B3GLCT: variants seen among roughly 807,000 people sequenced by gnomAD.
B3GLCT encodes beta 3-glucosyltransferase, also known as beta-1,3-glucosyltransferase.
B3GLCT carries 65 observed loss-of-function variants against 63.4 expected under a neutral mutation model. That is an observed-to-expected ratio of 1.03 (90% CI 0.84 to 1.26). The LOEUF (loss-of-function observed/expected upper bound fraction) is 1.26. Ranked by LOEUF, B3GLCT falls within the 50% of genes most tolerant of loss-of-function variation. The probability of loss-of-function intolerance (pLI) is 0.00; values close to 1 mark genes in which losing one functional copy is unlikely to be tolerated. For missense variants in B3GLCT, 577 were observed against 604.8 expected, an observed-to-expected ratio of 0.95 and a Z score of 0.48; for synonymous variants, 233 against 219.2, an observed-to-expected ratio of 1.06 and a Z score of -0.55.
At chr13:31,238,141 T>TAA (rs1227110342) in intron 4 of B3GLCT, among the ~76,000 whole-genome samples, 1 of 152,244 alleles carries the variant, frequency 6.6e-6, no homozygotes, top group Non-Finnish European at 1.5e-5. Context: ...ACTTCTGTGA[T>TAA]TATGCATCTG....
At chr13:31,253,618 A>AAAAAAAAAAAAAAC in intron 6 of B3GLCT, among the ~76,000 whole-genome samples, 1 of 82,314 alleles carries the variant, frequency 1.2e-5, no homozygotes, top group Admixed American at 1.5e-4. Context: ...AAAAAAAAAA[A>AAAAAAAAAAAAAAC]AAACTAGAGA....
chr13:31,278,426 C>T (rs150245666), intron 10 of B3GLCT, among the ~76,000 whole-genome samples: 93 of 152,230 alleles, frequency 6.1e-4, no homozygotes, highest in African/African-American at 2.1e-3. Context: ...ATTACAAAAT[C>T]TTAAAAGCCT....
chr13:31,199,989 C>T lies in B3GLCT; in HGVS notation c.-96C>T. 1 of 715,558 alleles carries T rather than the reference C, an allele frequency of 1.4e-6. No individual in the cohort carries two copies. Among genetic ancestry groups the T allele is most frequent in the Non-Finnish European group, 1.9e-6 (1 of 538,506 alleles). 44.3% of individuals were successfully genotyped at this position (715,558 alleles called of 1,614,324 possible). A position where few individuals can be genotyped will look rare whatever the true frequency, so the allele number is the denominator to read the frequency against. ...GGGGAGCCGGCAGAGAAGGGTCAGC[C>T]GCGGCGGCAGGGCGGCGGCGGCAGC... On this transcript the variant is annotated 5_prime_UTR_variant, in exon 1 of 15. Coordinates refer to ENST00000343307, the MANE Select transcript of B3GLCT (RefSeq NM_194318.4).
At chr13:31,324,896 G>A (rs530620600) in intron 14 of B3GLCT, among the ~76,000 whole-genome samples, 22 of 152,102 alleles carry the variant, frequency 1.4e-4, no homozygotes, top group East Asian at 9.7e-4. Flanking sequence ...TATAGAGATG[G>A]GGGTCTTACT....
chr13:31,317,439 A>G, intron 12 of B3GLCT, 127 bp from the exon 13 acceptor site: 2 of 1,151,406 alleles, frequency 1.7e-6, no homozygotes, highest in South Asian at 1.3e-5. Flanking sequence ...AGTCACTCAA[A>G]TTTCTTCTCT....
At chr13:31,283,436 T>C (rs1483774756) in intron 10 of B3GLCT, 1 of 152,222 alleles carries the variant, frequency 6.6e-6, no homozygotes, top group Non-Finnish European at 1.5e-5. Context: ...CCTTTTTTTG[T>C]CCGCCAGTAG....
chr13:31,274,589 C>T lies in B3GLCT; in HGVS notation c.741C>T (p.Phe247=). 3 of 1,614,216 alleles carry T rather than the reference C, an allele frequency of 1.9e-6. No homozygotes were observed. The highest frequency in any genetic ancestry group is 2.5e-6 in the Non-Finnish European group (3 of 1,180,032). The stretch of plus-strand genomic sequence containing the variant: ...AGTTTTGTACCAATGACGTGGACTT[C>T]TACTGTGCTACCACATTCCATTCTT... ...VPEFCTNDVD[F]YCATTFHSFL... Residue 247 remains phenylalanine, a synonymous_variant, in exon 9 of 15, where the codon TTC becomes TTT. Transcript: ENST00000343307.
At chr13:31,274,454 TA>T in intron 8 of B3GLCT, 54 bp from the exon 9 acceptor site, 1 of 1,612,690 alleles carries the variant, frequency 6.2e-7, no homozygotes, top group Non-Finnish European at 8.5e-7. Flanking sequence ...TGTCCCTTCT[TA>T]TACTTGTGTT....
intron 8 of B3GLCT, among the ~76,000 whole-genome samples, chr13:31,271,397 T>G (rs901681525): frequency 7.2e-5 from 11 of 152,230 alleles, no homozygotes; most frequent in African/African-American, 2.7e-4. Flanking sequence ...TGGCTACTGG[T>G]TTTTTGCTAT....
At chr13:31,221,818 A>C (rs2137076) in intron 2 of B3GLCT, among the ~76,000 whole-genome samples, 1 of 152,188 alleles carries the variant, frequency 6.6e-6, no homozygotes, top group Non-Finnish European at 1.5e-5. Context: ...ATTTGCCACC[A>C]TCCCGTTGTC....
In B3GLCT at chr13:31,200,027, C is replaced by A; in HGVS notation, c.-58C>A. On this transcript the variant is annotated 5_prime_UTR_variant, in exon 1 of 15. Coordinates refer to ENST00000343307, the MANE Select transcript of B3GLCT (RefSeq NM_194318.4). ...CGGCGGCGGCAGCGGCGCAGCTCCG[C>A]TCCCCGCGCGTCTCCCTTCCCCGCG... 8.7e-7 allele frequency: 1 copy of A among 1,149,924 alleles called. No homozygotes were observed. Among genetic ancestry groups the A allele is most frequent in the Non-Finnish European group, 1.1e-6 (1 of 899,556 alleles). The allele number at this position is 1,149,924 out of a possible 1,614,324, so 71.2% of individuals were successfully genotyped here.
chr13:31,267,177 A>G lies in B3GLCT; in HGVS notation c.597-2037A>G, dbSNP rs536506612. Among the ~76,000 whole-genome samples, 14 of 152,374 alleles carry G rather than the reference A, an allele frequency of 9.2e-5. No individual in the cohort carries two copies. In the South Asian group the frequency reaches 2.1e-3, roughly 23 times the overall value. On this transcript the variant is annotated intron_variant, in intron 7 of 14. Transcript: ENST00000343307. ...TTGAAAAGCCAAAAAGATGGAGAGC[A>G]TGTTTAAGGTAACAGTACTAAGGTG...
At chr13:31,272,686 A>T (rs937531709) in intron 8 of B3GLCT, among the ~76,000 whole-genome samples, 3 of 152,202 alleles carry the variant, frequency 2.0e-5, no homozygotes, top group African/African-American at 7.2e-5. Flanking sequence ...AATAGCCAGA[A>T]AATTTGAGGG....
Position 31,276,756 on chromosome 13 carries a change from T to A in B3GLCT, c.835T>A (p.Phe279Ile). 6.2e-7 allele frequency: 1 copy of A among 1,612,244 alleles called. No homozygotes were observed. The highest frequency in any genetic ancestry group is 8.5e-7 in the Non-Finnish European group (1 of 1,178,390). Residue 279 changes from phenylalanine (F) to isoleucine (I), a missense_variant, in exon 10 of 15, where the codon TTT (phenylalanine) becomes ATT (isoleucine). Transcript: ENST00000343307. ...TGTTGCAGTAAAAACATGCAAGAAA[T>A]TTCATGGTGACAGAAGTATGTTTTG... Reference protein sequence around the residue: ...IFVAVKTCKKFHGDRIPIVKQ... With the variant: ...IFVAVKTCKKIHGDRIPIVKQ...
chr13:31,209,030 G>C (rs1404774111), intron 1 of B3GLCT, among the ~76,000 whole-genome samples: 3 of 152,162 alleles, frequency 2.0e-5, no homozygotes, highest in African/African-American at 7.2e-5. Flanking sequence ...CTGCCACCAA[G>C]TGTGTTGACC....
chr13:31,233,385 A>G (rs544938953), intron 4 of B3GLCT, among the ~76,000 whole-genome samples: 1 of 152,320 alleles, frequency 6.6e-6, no homozygotes, highest in Admixed American at 6.5e-5. Flanking sequence ...AGACAACATA[A>G]CAGTGACTTA....
chr13:31,319,698 A>G (rs1053112699), intron 13 of B3GLCT, among the ~76,000 whole-genome samples: 1 of 152,064 alleles, frequency 6.6e-6, no homozygotes, highest in Non-Finnish European at 1.5e-5. Context: ...CTTGATGCTG[A>G]ATGTACCCAG....
intron 12 of B3GLCT, among the ~76,000 whole-genome samples, chr13:31,308,347 T>TAAAAAAAAAAACAAA (rs1874501368): frequency 4.2e-5 from 1 of 23,670 alleles, no homozygotes; most frequent in Non-Finnish European, 1.2e-4. Context: ...AAAAAAAAAT[T>TAAAAAAAAAAACAAA]AAAAAAAAAA....
intron 4 of B3GLCT, among the ~76,000 whole-genome samples, chr13:31,235,883 T>G (rs529797524): frequency 2.6e-5 from 4 of 152,298 alleles, no homozygotes; most frequent in Non-Finnish European, 5.9e-5. Flanking sequence ...GAATTTGATT[T>G]TTCTGGATTT....
Sources: allele counts gnomAD v4.1 joint callset (sites outside exome capture counted in the v4.1 genomes callset), GRCh38; gene constraint gnomAD v4.1.1; transcripts MANE v1.5; gene names NCBI Gene and HGNC (gene_info 2026-07-23, HGNC 2026-07-21).